MAST4: variants seen among roughly 807,000 people sequenced by gnomAD.
MAST4 encodes microtubule associated serine/threonine kinase family member 4.
A neutral mutation model predicts 162.7 loss-of-function variants in MAST4; 89 were observed. The ratio of observed to expected loss-of-function variants is 0.55; its 90% CI spans 0.46 to 0.65. The LOEUF (loss-of-function observed/expected upper bound fraction) is 0.65. Among genes scored for constraint, MAST4 ranks in the 30% least tolerant of loss-of-function variants. MAST4 has a pLI of 0.00. For synonymous variants in MAST4, 1,479 were observed against 1,361.1 expected, an observed-to-expected ratio of 1.09 and a Z score of -1.91; for missense variants, 3,153 against 3,374.0, an observed-to-expected ratio of 0.93 and a Z score of 1.62.
chr5:66,780,915 C>T (rs1754841936), intron 2 of MAST4, among the ~76,000 whole-genome samples: 1 of 152,218 alleles, frequency 6.6e-6, no homozygotes, highest in Non-Finnish European at 1.5e-5. Context: ...AAAAGTTCTC[C>T]AAGTCCCCAC....
intron 2 of MAST4, among the ~76,000 whole-genome samples, chr5:66,764,978 TAC>T (rs1473474744): frequency 1.3e-5 from 2 of 152,214 alleles, no homozygotes; most frequent in Non-Finnish European, 2.9e-5. Flanking sequence ...TATACAGGTG[TAC>T]CACTTTTTAT....
At chr5:66,881,823 G>T (rs1255336864) in intron 3 of MAST4, among the ~76,000 whole-genome samples, 2 of 152,078 alleles carry the variant, frequency 1.3e-5, no homozygotes, top group Non-Finnish European at 2.9e-5. Flanking sequence ...TGTTTCATTT[G>T]CCCCCAAGTC....
chr5:66,703,413 G>A (rs1300689069), intron 1 of MAST4, among the ~76,000 whole-genome samples: 2 of 152,086 alleles, frequency 1.3e-5, no homozygotes, highest in Non-Finnish European at 2.9e-5. Context: ...TTTACATTTT[G>A]AGTAATATCT....
chr5:66,789,454 C>G (rs1755282474), intron 3 of MAST4, among the ~76,000 whole-genome samples: 1 of 152,152 alleles, frequency 6.6e-6, no homozygotes, highest in South Asian at 2.1e-4. Flanking sequence ...CTTTAGTCCC[C>G]TTTAATCTGG....
intron 3 of MAST4, among the ~76,000 whole-genome samples, chr5:66,862,685 T>C (rs560808202): frequency 3.0e-4 from 46 of 152,366 alleles, no homozygotes; most frequent in Non-Finnish European, 5.9e-4. Flanking sequence ...AAATTTGAAC[T>C]ATGACATGAG....
chr5:66,765,121 C>A (rs150996965), intron 2 of MAST4, among the ~76,000 whole-genome samples: 7 of 152,262 alleles, frequency 4.6e-5, no homozygotes, highest in African/African-American at 1.7e-4. Context: ...AGGCTATATA[C>A]CCTGTAGTTT....
intron 27 of MAST4, 57 bp downstream of exon 27, chr5:67,160,649 T>A: frequency 5.2e-6 from 8 of 1,549,058 alleles, no homozygotes; most frequent in Non-Finnish European, 7.0e-6. Context: ...GGGGAAAAGT[T>A]ACCCCTTAAT....
At chr5:67,013,155 G>A (rs1046436690) in intron 4 of MAST4, among the ~76,000 whole-genome samples, 8 of 152,210 alleles carry the variant, frequency 5.3e-5, no homozygotes, top group African/African-American at 1.9e-4. Flanking sequence ...GCAGGCAGTA[G>A]TACAAGCAAA....
At chr5:66,767,481 G>T (rs1754154005) in intron 2 of MAST4, among the ~76,000 whole-genome samples, 1 of 152,088 alleles carries the variant, frequency 6.6e-6, no homozygotes, top group Admixed American at 6.5e-5. Flanking sequence ...TATATTGGCT[G>T]CATGTGAGAG....
At chr5:66,936,458 G>A (rs1742760690) in intron 4 of MAST4, among the ~76,000 whole-genome samples, 1 of 152,182 alleles carries the variant, frequency 6.6e-6, no homozygotes, top group Admixed American at 6.5e-5. Context: ...CGAAAAGAGA[G>A]TCAGGGAAGG....
At chr5:66,933,046 A>T (rs1201219194) in intron 4 of MAST4, among the ~76,000 whole-genome samples, 1 of 152,202 alleles carries the variant, frequency 6.6e-6, no homozygotes, top group Non-Finnish European at 1.5e-5. Flanking sequence ...ACCCATAGAC[A>T]TTGGGAAACC....
chr5:67,035,923 C>T (rs1755966712), intron 4 of MAST4, among the ~76,000 whole-genome samples: 2 of 152,098 alleles, frequency 1.3e-5, no homozygotes, highest in African/African-American at 4.8e-5. Context: ...CACTGCCTCC[C>T]TCATTCCCTA....
At chr5:66,953,399 T>G (rs1263551839) in intron 4 of MAST4, among the ~76,000 whole-genome samples, 1 of 152,186 alleles carries the variant, frequency 6.6e-6, no homozygotes, top group African/African-American at 2.4e-5. Context: ...GTCAGCCTAT[T>G]TAACTGTGCC....
intron 3 of MAST4, among the ~76,000 whole-genome samples, chr5:66,791,797 A>C (rs1318104914): frequency 6.6e-6 from 1 of 152,148 alleles, no homozygotes; most frequent in Non-Finnish European, 1.5e-5. Flanking sequence ...AGAGTTCATT[A>C]GTTCCTAATT....
At chr5:67,112,768 C>G (rs1766399558) in intron 11 of MAST4, among the ~76,000 whole-genome samples, 1 of 152,102 alleles carries the variant, frequency 6.6e-6, no homozygotes, top group Non-Finnish European at 1.5e-5. Flanking sequence ...TTTATGGAAG[C>G]TTCATTACAT....
intron 4 of MAST4, among the ~76,000 whole-genome samples, chr5:66,920,395 A>C (rs749404395): frequency 2.0e-5 from 3 of 152,222 alleles, no homozygotes; most frequent in Non-Finnish European, 4.4e-5. Flanking sequence ...TTTTAAGGTA[A>C]AATTGTTTTA....
At chr5:66,972,673 G>A (rs1747589115) in intron 4 of MAST4, among the ~76,000 whole-genome samples, 1 of 152,190 alleles carries the variant, frequency 6.6e-6, no homozygotes, top group Non-Finnish European at 1.5e-5. Flanking sequence ...GATTTGTGTA[G>A]TAGTAGCCTT....
At chr5:67,157,109 AC>A (rs1458196361) in intron 26 of MAST4, among the ~76,000 whole-genome samples, 3 of 152,232 alleles carry the variant, frequency 2.0e-5, no homozygotes, top group African/African-American at 7.2e-5. Context: ...GGGTAAATCG[AC>A]CTAGTAAGCC....
intron 4 of MAST4, among the ~76,000 whole-genome samples, chr5:66,906,399 C>G (rs898820931): frequency 2.0e-5 from 3 of 152,148 alleles, no homozygotes; most frequent in Non-Finnish European, 4.4e-5. Flanking sequence ...TCTCCATTCA[C>G]CCTTTCATTA....
Sources: gnomAD v4.1 joint callset for allele counts (sites outside exome capture counted in the v4.1 genomes callset) on GRCh38, gnomAD v4.1.1 for gene constraint, MANE v1.5 for transcripts, NCBI Gene and HGNC (gene_info 2026-07-23, HGNC 2026-07-21) for gene names.